KCNQ3: variants seen among roughly 807,000 people sequenced by gnomAD.
The protein encoded by KCNQ3 is potassium voltage-gated channel subfamily KQT member 3.
A neutral mutation model predicts 92.5 loss-of-function variants in KCNQ3; 30 were observed. That is an observed-to-expected ratio of 0.32 (90% CI 0.24 to 0.44). The LOEUF is 0.44. Ranked by LOEUF, KCNQ3 falls within the 20% of genes least tolerant of loss-of-function variation. The pLI is 1.00. For missense variants in KCNQ3, 913 were observed against 1,140.3 expected (o/e 0.80, Z 2.87); for synonymous variants, 450 against 468.8 (o/e 0.96, Z 0.52).
At chr8:132,136,269 G>T (rs7839133) in intron 12 of KCNQ3, among the ~76,000 whole-genome samples, 16,669 of 151,980 alleles carry the variant, frequency 0.11, 1,721 homozygotes, top group African/African-American at 0.26. Flanking sequence ...AACATCACTC[G>T]GACAGGGAAG....
intron 1 of KCNQ3, among the ~76,000 whole-genome samples, chr8:132,401,174 C>T (rs1339620229): frequency 6.6e-6 from 1 of 152,116 alleles, no homozygotes; most frequent in Non-Finnish European, 1.5e-5. Flanking sequence ...AACAAGGAGC[C>T]AGCCACATAG....
intron 14 of KCNQ3, among the ~76,000 whole-genome samples, chr8:132,130,698 C>G (rs961844447): frequency 6.6e-6 from 1 of 152,180 alleles, no homozygotes; most frequent in Non-Finnish European, 1.5e-5. Context: ...GACTGTTAGT[C>G]TATGTTTCTT....
chr8:132,170,848 CAAA>C (rs796652777), intron 7 of KCNQ3, among the ~76,000 whole-genome samples: 3 of 63,458 alleles, frequency 4.7e-5, no homozygotes, highest in African/African-American at 1.6e-4. Flanking sequence ...TTCATCTCTA[CAAA>C]AAAAAAAAAA....
intron 9 of KCNQ3, among the ~76,000 whole-genome samples, chr8:132,148,863 A>G (rs1825544996): frequency 6.6e-6 from 1 of 152,190 alleles, no homozygotes; most frequent in African/African-American, 2.4e-5. Flanking sequence ...CTTGGACTGA[A>G]TTAAACTGCT....
At chr8:132,132,720 T>G (rs1315403696) in intron 13 of KCNQ3, among the ~76,000 whole-genome samples, 2 of 152,192 alleles carry the variant, frequency 1.3e-5, no homozygotes, top group African/African-American at 4.8e-5. Flanking sequence ...TCTGGCCAAT[T>G]TTAATAAGAA....
chr8:132,314,256 A>C (rs1817677391), intron 1 of KCNQ3, among the ~76,000 whole-genome samples: 1 of 152,212 alleles, frequency 6.6e-6, no homozygotes, highest in African/African-American at 2.4e-5. Flanking sequence ...TTATTAACAA[A>C]CCAACAACAA....
At chr8:132,393,397 T>C (rs548007715) in intron 1 of KCNQ3, among the ~76,000 whole-genome samples, 1 of 152,340 alleles carries the variant, frequency 6.6e-6, no homozygotes, top group Admixed American at 6.5e-5. Context: ...CCTGATGTCT[T>C]TGTTTCAACT....
chr8:132,230,817 C>T (rs894133000), intron 1 of KCNQ3, among the ~76,000 whole-genome samples: 6 of 152,154 alleles, frequency 3.9e-5, no homozygotes, highest in Non-Finnish European at 5.9e-5. Flanking sequence ...AGAATTACAT[C>T]CACTTCTTAC....
chr8:132,132,213 G>C lies in KCNQ3; in HGVS notation c.1851C>G (p.Ser617Arg), dbSNP rs752307704. Residue 617 changes from serine (S) to arginine (R), a missense_variant, in exon 14 of 15, where the codon AGC (serine) becomes AGG (arginine). Physicochemically the swap from Ser to Arg is moderately radical, Grantham distance 110. Around this residue, in one of 6 missense-constraint regions of KCNQ3, gnomAD observed 375 missense variants for 376.4 expected, o/e 1.00. Coordinates refer to ENST00000388996, the MANE Select transcript of KCNQ3 (RefSeq NM_004519.4). ...CAACTTTTACAAACTTCCCCATCAT[G>C]CTTTGGTCTTCGATTTCTGATGTGG... ...RPSTSEIEDQSMMGKFVKVER... is the reference protein window; with the variant it reads ...RPSTSEIEDQRMMGKFVKVER... The C allele has an allele frequency of 1.9e-6, 3 of 1,613,702 alleles. No individual in the cohort carries two copies. The African/African-American group carries it at 4.0e-5, about 21-fold the overall frequency.
Position 132,132,162 on chromosome 8 carries a change from G to A in KCNQ3, c.1884+18C>T. ...ATGTCACAGATCCAGTTTTTGGTGA[G>A]AGGAAGAAAAGACTTACCTGTCTTT... On this transcript the variant is annotated intron_variant, in intron 14 of 14. Coordinates refer to ENST00000388996, the MANE Select transcript of KCNQ3 (RefSeq NM_004519.4). 6.6e-7 allele frequency: 1 copy of A among 1,515,190 alleles called. No individual in the cohort carries two copies. Among genetic ancestry groups the A allele is most frequent in the Non-Finnish European group, 9.2e-7 (1 of 1,090,214 alleles). The allele number at this position is 1,515,190 out of a possible 1,614,324, so 93.9% of individuals were successfully genotyped here. A position where few individuals can be genotyped will look rare whatever the true frequency, so the allele number is the denominator to read the frequency against.
At chr8:132,420,148 G>T (rs527993132) in intron 1 of KCNQ3, among the ~76,000 whole-genome samples, 2 of 152,246 alleles carry the variant, frequency 1.3e-5, no homozygotes, top group East Asian at 3.9e-4. Flanking sequence ...CATGGGAGAT[G>T]GGAGAGGGCT....
intron 1 of KCNQ3, among the ~76,000 whole-genome samples, chr8:132,368,510 G>C (rs1015738083): frequency 5.9e-4 from 89 of 152,122 alleles, no homozygotes; most frequent in African/African-American, 2.1e-3. Flanking sequence ...ATAAACAGCT[G>C]GGTGTGGTAG....
chr8:132,154,270 A>G (rs1178826249), intron 9 of KCNQ3, among the ~76,000 whole-genome samples: 3 of 141,702 alleles, frequency 2.1e-5, no homozygotes, highest in African/African-American at 5.3e-5. Context: ...AACTGGTAAA[A>G]GCCCCTGGGA....
chr8:132,184,624 T>TA (rs1199549594), intron 2 of KCNQ3, among the ~76,000 whole-genome samples: 1 of 152,206 alleles, frequency 6.6e-6, no homozygotes, highest in Admixed American at 6.5e-5. Flanking sequence ...GCACAGTGAT[T>TA]ACTCGTTCTT....
intron 1 of KCNQ3, chr8:132,186,527 T>C (rs1278693620): frequency 5.4e-6 from 2 of 369,696 alleles, no homozygotes; most frequent in East Asian, 1.4e-4. Context: ...CACAAGTCAT[T>C]AAGTATATGA....
intron 3 of KCNQ3, 27 bp downstream of exon 3, chr8:132,184,214 G>T: frequency 6.2e-7 from 1 of 1,613,964 alleles, no homozygotes; most frequent in Non-Finnish European, 8.5e-7. Context: ...AACTGAGGAG[G>T]CTGGGAGGCT....
At position 132,177,280 on chromosome 8, in the gene KCNQ3, A is replaced by T. The variant is rs115868418; in HGVS notation, c.778-1672T>A. On this transcript the variant is annotated intron_variant, in intron 4 of 14. Coordinates refer to ENST00000388996, the MANE Select transcript of KCNQ3 (RefSeq NM_004519.4). ...CTAATTCTGTACTTTGGAGTCATTT[A>T]CTTTGCAGTTATTCCAAATAATTCT... 4.4e-3 allele frequency among the ~76,000 whole-genome samples: 672 copies of T among 152,330 alleles called. 4 individuals are homozygous for T. The highest frequency in any genetic ancestry group is 0.015 in the African/African-American group (637 of 41,578).
At chr8:132,314,469 T>G (rs925826616) in intron 1 of KCNQ3, among the ~76,000 whole-genome samples, 1 of 152,172 alleles carries the variant, frequency 6.6e-6, no homozygotes, top group Non-Finnish European at 1.5e-5. Flanking sequence ...GGGAAACTAT[T>G]CTAAAATACA....
At chr8:132,167,799 A>G (rs983239771) in intron 8 of KCNQ3, among the ~76,000 whole-genome samples, 2 of 152,220 alleles carry the variant, frequency 1.3e-5, no homozygotes, top group African/African-American at 4.8e-5. Context: ...TAATACATCA[A>G]CCCAAAAGAA....
Sources: gnomAD v4.1 joint callset for allele counts (sites outside exome capture counted in the v4.1 genomes callset) on GRCh38, gnomAD v4.1.1 for gene constraint, gnomAD v4.1.1 regional missense constraint, MANE v1.5 for transcripts, NCBI Gene and HGNC (gene_info 2026-07-23, HGNC 2026-07-21) for gene names.